The following TENM1 variants were observed in gnomAD, a reference collection of about 807,000 sequenced individuals.
TENM1 encodes teneurin-1.
A neutral mutation model predicts 174.8 loss-of-function variants in TENM1; 35 were observed. That is an observed-to-expected ratio of 0.20 (90% CI 0.15 to 0.27). TENM1 has a LOEUF of 0.27. Ranked by LOEUF, TENM1 falls within the 10% of genes least tolerant of loss-of-function variation. The probability of loss-of-function intolerance (pLI) is 1.00; values close to 1 mark genes in which losing one functional copy is unlikely to be tolerated. For synonymous variants in TENM1, 781 were observed against 798.7 expected, an observed-to-expected ratio of 0.98 and a Z score of 0.37; for missense variants, 1,633 against 2,130.1, an observed-to-expected ratio of 0.77 and a Z score of 4.59.
chrX:124,881,735 G>GTT (rs373202849), intron 3 of TENM1, among the ~76,000 whole-genome samples: 112 of 96,733 alleles, frequency 1.2e-3, no homozygotes, highest in African/African-American at 4.0e-3. Context: ...GTTTTGTTTT[G>GTT]TTTTTTTTTT....
intron 11 of TENM1, among the ~76,000 whole-genome samples, chrX:124,624,208 C>T (rs2050585287): frequency 1.8e-5 from 2 of 111,526 alleles, no homozygotes; most frequent in South Asian, 7.6e-4. Flanking sequence ...GAGTTTGTCT[C>T]ACTCTAACAC....
intron 3 of TENM1, among the ~76,000 whole-genome samples, chrX:124,742,975 G>T (rs930659890): frequency 6.3e-5 from 7 of 111,395 alleles, no homozygotes; most frequent in African/African-American, 2.0e-4. Flanking sequence ...TTAAAAGAAA[G>T]AGAAGATATT....
the TENM1 span, among the ~76,000 whole-genome samples, chrX:125,063,981 T>G: frequency 9.0e-6 from 1 of 110,629 alleles, no homozygotes; most frequent in Non-Finnish European, 1.9e-5. Flanking sequence ...TATGCAGCCA[T>G]AAAAAAGGAT....
the TENM1 span, among the ~76,000 whole-genome samples, chrX:124,977,372 C>T: frequency 9.0e-6 from 1 of 111,379 alleles, no homozygotes; most frequent in African/African-American, 3.3e-5. Context: ...TGGGCCATAC[C>T]AGAATAACTA....
At chrX:124,614,456 T>C (rs5958542) in intron 11 of TENM1, among the ~76,000 whole-genome samples, 15,788 of 111,555 alleles carry the variant, frequency 0.14, 1,794 homozygotes, top group African/African-American at 0.39. Context: ...TATTCTCCTA[T>C]TTCTGGGTCA....
chrX:124,650,567 A>G (rs1230170718), intron 8 of TENM1, among the ~76,000 whole-genome samples: 1 of 111,691 alleles, frequency 9.0e-6, no homozygotes, highest in Non-Finnish European at 1.9e-5. Flanking sequence ...ACTTGAGCTG[A>G]AAGAGTAAGA....
chrX:124,655,011 C>T lies in TENM1; in HGVS notation c.1169-1228G>A, dbSNP rs1306760939. ...AGATACTGCAGTAGAGATTCTCAAA[C>T]TTTAATGCGTACAAGAAGGCAGTTT... On this transcript the variant is annotated intron_variant, in intron 6 of 31. Coordinates refer to ENST00000422452, the Ensembl canonical transcript of TENM1. Among the ~76,000 whole-genome samples the T allele has an allele frequency of 1.7e-4, 19 of 112,046 alleles. No individual in the cohort carries two copies. In the Admixed American group the frequency reaches 1.8e-3, roughly 11 times the overall value.
intron 5 of TENM1, among the ~76,000 whole-genome samples, chrX:124,697,440 A>G (rs1212692390): frequency 9.0e-6 from 1 of 111,072 alleles, no homozygotes; most frequent in Non-Finnish European, 1.9e-5. Flanking sequence ...TATTATTTAA[A>G]TGCTATCTGT....
At chrX:125,099,209 TTGTC>T in the TENM1 span, among the ~76,000 whole-genome samples, 2 of 111,969 alleles carry the variant, frequency 1.8e-5, no homozygotes, top group Admixed American at 1.9e-4. Flanking sequence ...TTTTGCTAGT[TTGTC>T]TGTTTGGGTT....
At chrX:124,848,738 T>A (rs1569463716) in intron 3 of TENM1, among the ~76,000 whole-genome samples, 1 of 110,037 alleles carries the variant, frequency 9.1e-6, no homozygotes, top group African/African-American at 3.3e-5. Flanking sequence ...TAAAAAAAAA[T>A]CAAGCAACAG....
chrX:124,676,823 C>T (rs2148445869), intron 5 of TENM1, among the ~76,000 whole-genome samples: 1 of 105,412 alleles, frequency 9.5e-6, no homozygotes, highest in South Asian at 4.4e-4. Flanking sequence ...AATCAATAAT[C>T]CTTTCCCATC....
At chrX:124,826,258 A>AATTTTT (rs1200227287) in intron 3 of TENM1, among the ~76,000 whole-genome samples, 1 of 109,900 alleles carries the variant, frequency 9.1e-6, no homozygotes, top group Non-Finnish European at 1.9e-5. Flanking sequence ...AAAATTGAAA[A>AATTTTT]ATTAGCCTGG....
At chrX:125,002,159 G>A in the TENM1 span, among the ~76,000 whole-genome samples, 1 of 111,443 alleles carries the variant, frequency 9.0e-6, no homozygotes, top group Non-Finnish European at 1.9e-5. Context: ...AGCACCTAGT[G>A]CCTGGAATGT....
chrX:125,071,681 A>C, the TENM1 span, among the ~76,000 whole-genome samples: 1 of 111,334 alleles, frequency 9.0e-6, no homozygotes, highest in Non-Finnish European at 1.9e-5. Context: ...ATTATGTATA[A>C]AGAAAAAGGG....
chrX:124,837,073 C>A (rs1255382425), intron 3 of TENM1, among the ~76,000 whole-genome samples: 2 of 112,179 alleles, frequency 1.8e-5, no homozygotes, highest in Admixed American at 9.4e-5. Context: ...CTATTACATA[C>A]AGATCTTATT....
chrX:124,555,471 G>T (rs1351754672), intron 14 of TENM1, among the ~76,000 whole-genome samples: 2 of 111,942 alleles, frequency 1.8e-5, no homozygotes, highest in Non-Finnish European at 3.8e-5. Context: ...ACTATGCAAG[G>T]AGTTCAAATT....
intron 3 of TENM1, among the ~76,000 whole-genome samples, chrX:124,741,321 G>C (rs1401396056): frequency 8.9e-6 from 1 of 111,792 alleles, no homozygotes; most frequent in African/African-American, 3.3e-5. Flanking sequence ...AGAAATTAGA[G>C]TATCTCTGCT....
chrX:124,831,215 A>C (rs1424967741), intron 3 of TENM1, among the ~76,000 whole-genome samples: 1 of 111,036 alleles, frequency 9.0e-6, no homozygotes, highest in East Asian at 2.8e-4. Context: ...GGCTCAAACT[A>C]AGAGCTTCCT....
At chrX:124,463,836 GGTGTGTGTGTGTGTGTGT>G (rs61128914) in intron 22 of TENM1, among the ~76,000 whole-genome samples, 69 of 90,939 alleles carry the variant, frequency 7.6e-4, no homozygotes, top group African/African-American at 2.7e-3. Context: ...TAGAGGTTGG[GGTGTGTGTGTGTGTGTGT>G]GTGTGTGTGT....
Sources: gnomAD v4.1 joint callset for allele counts (sites outside exome capture counted in the v4.1 genomes callset) on GRCh38, gnomAD v4.1.1 for gene constraint, MANE v1.5 for transcripts, NCBI Gene and HGNC (gene_info 2026-07-23, HGNC 2026-07-21) for gene names.